Variants in EEPD1 observed in about 807,000 individuals in gnomAD.
EEPD1 encodes the protein endonuclease/exonuclease/phosphatase family domain-containing protein 1.
Under a neutral mutation model 46.3 loss-of-function variants are expected in EEPD1, and 17 were observed. The observed-to-expected ratio is 0.37, with a 90% CI of 0.25 to 0.55. The LOEUF is 0.55. Among genes scored for constraint, EEPD1 ranks in the 20% least tolerant of loss-of-function variants. The probability of loss-of-function intolerance (pLI) is 0.83; values close to 1 mark genes in which losing one functional copy is unlikely to be tolerated. For missense variants in EEPD1, 673 were observed against 745.6 expected (o/e 0.90, Z 1.13); for synonymous variants, 313 against 315.6 (o/e 0.99, Z 0.09).
At position 36,167,752 on chromosome 7, in the gene EEPD1, G is replaced by A. The variant is rs554085572; in HGVS notation, c.878+12550G>A. Reference sequence around the variant, plus strand: ...ATTATTAGAGACAGAGTCTCTCTCTGTGGCCCAGGCTGAAGTGCAGTGGCG... The same window carrying A: ...ATTATTAGAGACAGAGTCTCTCTCTATGGCCCAGGCTGAAGTGCAGTGGCG... On this transcript the variant is annotated intron_variant, in intron 2 of 7. Coordinates refer to ENST00000242108, the MANE Select transcript of EEPD1 (RefSeq NM_030636.3). 3.9e-5 allele frequency among the ~76,000 whole-genome samples: 6 copies of A among 152,164 alleles called. No individual in the cohort carries two copies. The East Asian group carries it at 1.2e-3, about 29-fold the overall frequency.
chr7:36,193,780 G>A lies in EEPD1; in HGVS notation c.878+38578G>A, dbSNP rs893313801. ...GTCCCGTGGTCAGCAGGTGGCCAGC[G>A]GCAGAGCGGCCACACCCATCCTGGT... On this transcript the variant is annotated intron_variant, in intron 2 of 7. Coordinates refer to ENST00000242108, the MANE Select transcript of EEPD1 (RefSeq NM_030636.3). This position sits in a 1 kb window ranked among gnomAD's most constrained non-coding sequence, Gnocchi z 4.9. Among the ~76,000 whole-genome samples the A allele has an allele frequency of 3.3e-5, 5 of 152,194 alleles. No individual in the cohort carries two copies. Among genetic ancestry groups the A allele is most frequent in the Admixed American group, 6.5e-5 (1 of 15,292 alleles).
chr7:36,273,958 A>G (rs1038795625), intron 3 of EEPD1, among the ~76,000 whole-genome samples: 2 of 152,160 alleles, frequency 1.3e-5, no homozygotes, highest in Non-Finnish European at 2.9e-5. Context: ...TTCTCCCTCC[A>G]TGAGCTCCTG....
Position 36,154,319 on chromosome 7 carries a change from C to CGGCCCCCA in EEPD1, c.-4_-3insCCCCCAGG. ...GGCCTTCCCGGGAGCCTGATCCTGG[C>CGGCCCCCA]GGACCATGGGGAGCACCCTGGGCTG... On this transcript the variant is annotated 5_prime_UTR_variant, in exon 2 of 8. Coordinates refer to ENST00000242108, the MANE Select transcript of EEPD1 (RefSeq NM_030636.3). This position sits in a 1 kb window ranked among gnomAD's most constrained non-coding sequence, Gnocchi z 4.2. 1 of 1,603,728 alleles carries CGGCCCCCA rather than the reference C, an allele frequency of 6.2e-7. No individual in the cohort carries two copies. The highest frequency in any genetic ancestry group is 8.5e-7 in the Non-Finnish European group (1 of 1,177,770).
At chr7:36,284,561 G>T in intron 4 of EEPD1, 125 bp from the exon 5 acceptor site, 2 of 1,225,416 alleles carry the variant, frequency 1.6e-6, no homozygotes, top group Non-Finnish European at 1.1e-6. Flanking sequence ...GTGTGCTTTT[G>T]GTTTAGAAAC....
intron 3 of EEPD1, 109 bp from the exon 4 acceptor site, chr7:36,281,006 A>G (rs1787251557): frequency 1.2e-6 from 1 of 843,350 alleles, no homozygotes. Flanking sequence ...CAGTGTCTGA[A>G]TAAGGCTGAT....
intron 2 of EEPD1, among the ~76,000 whole-genome samples, chr7:36,155,998 A>G (rs976714308): frequency 1.3e-5 from 2 of 152,240 alleles, no homozygotes; most frequent in South Asian, 4.1e-4. Flanking sequence ...CTGTTAGTAA[A>G]ATAGCAAACT....
At chr7:36,286,616 G>A (rs1302536091) in intron 5 of EEPD1, among the ~76,000 whole-genome samples, 1 of 152,234 alleles carries the variant, frequency 6.6e-6, no homozygotes, top group African/African-American at 2.4e-5. Flanking sequence ...GGCTGGCCAG[G>A]TTCTGTAAGC....
chr7:36,239,387 C>T (rs1486712996), intron 3 of EEPD1, among the ~76,000 whole-genome samples: 1 of 152,016 alleles, frequency 6.6e-6, no homozygotes, highest in East Asian at 1.9e-4. Flanking sequence ...GGCCACCTCA[C>T]TGCATTTCTG....
rs1360646334 is a variant in EEPD1 at position 36,193,294 on chromosome 7, C to T, written c.878+38092C>T. Among the ~76,000 whole-genome samples the T allele has an allele frequency of 6.8e-6, 1 of 148,044 alleles. No homozygotes were observed. Among genetic ancestry groups the T allele is most frequent in the Non-Finnish European group, 1.5e-5 (1 of 65,976 alleles). Reference sequence around the variant, plus strand: ...TTAGATGGAGAAGAGGCCCAGAGAGCAGAGTTCCCGAGAGGGAGAGTGTGC... The same window carrying T: ...TTAGATGGAGAAGAGGCCCAGAGAGTAGAGTTCCCGAGAGGGAGAGTGTGC... On this transcript the variant is annotated intron_variant, in intron 2 of 7. Coordinates refer to ENST00000242108, the MANE Select transcript of EEPD1 (RefSeq NM_030636.3). This position sits in a 1 kb window ranked among gnomAD's most constrained non-coding sequence, Gnocchi z 4.9.
At chr7:36,195,997 A>G (rs577435789) in intron 2 of EEPD1, among the ~76,000 whole-genome samples, 136 of 152,314 alleles carry the variant, frequency 8.9e-4, no homozygotes, top group African/African-American at 3.2e-3. Context: ...CCTAGACTAT[A>G]TATGGTATGG....
At chr7:36,227,462 A>G (rs1311123988) in intron 2 of EEPD1, among the ~76,000 whole-genome samples, 2 of 152,148 alleles carry the variant, frequency 1.3e-5, no homozygotes, top group Non-Finnish European at 2.9e-5. Flanking sequence ...CCTTCTCCAG[A>G]GCTCATCCCT....
At chr7:36,189,221 T>C (rs898847418) in intron 2 of EEPD1, among the ~76,000 whole-genome samples, 3 of 152,250 alleles carry the variant, frequency 2.0e-5, no homozygotes, top group Admixed American at 1.3e-4. Flanking sequence ...TGACACAGGG[T>C]GGTCCCCAAA....
At chr7:36,214,569 C>T (rs1037452311) in intron 2 of EEPD1, among the ~76,000 whole-genome samples, 6 of 152,204 alleles carry the variant, frequency 3.9e-5, no homozygotes, top group African/African-American at 1.4e-4. Context: ...TCTGCCTCTC[C>T]TGGGAACTTG....
intron 4 of EEPD1, among the ~76,000 whole-genome samples, chr7:36,282,435 C>T (rs935674747): frequency 1.2e-4 from 19 of 152,198 alleles, no homozygotes; most frequent in South Asian, 8.3e-4. Flanking sequence ...GTGGGGATCC[C>T]GGCTGGAGCC....
intron 2 of EEPD1, among the ~76,000 whole-genome samples, chr7:36,214,418 T>A (rs1785992280): frequency 6.6e-6 from 1 of 152,142 alleles, no homozygotes; most frequent in African/African-American, 2.4e-5. Context: ...CCACTGGCTA[T>A]CCCCCAGAGC....
intron 2 of EEPD1, chr7:36,228,604 A>C (rs935499545): frequency 6.6e-6 from 1 of 152,180 alleles, no homozygotes; most frequent in Non-Finnish European, 1.5e-5. Context: ...TTCTGCAGAC[A>C]CAGCTGGGGC....
In EEPD1 at chr7:36,287,236, C is replaced by CAAAAA. The variant is rs377318198; in HGVS notation, c.1177-380_1177-376dup. The stretch of plus-strand genomic sequence containing the variant: ...TGGGTGACAGAGTGAGACTCCTTCT[C>CAAAAA]AAAAAAAAAAAAAAAAAAAAAAAAA... On this transcript the variant is annotated intron_variant, in intron 5 of 7. Transcript: ENST00000242108. Among the ~76,000 whole-genome samples the CAAAAA allele has an allele frequency of 4.0e-4, 17 of 42,210 alleles. 6 individuals carry two copies. The highest frequency in any genetic ancestry group is 9.2e-4 in the East Asian group (1 of 1,092). 27.7% of individuals were successfully genotyped at this position (42,210 alleles called of 152,430 possible).
At chr7:36,167,840 C>T (rs10260500) in intron 2 of EEPD1, among the ~76,000 whole-genome samples, 21,890 of 152,028 alleles carry the variant, frequency 0.14, 2,069 homozygotes, top group Non-Finnish European at 0.22. Context: ...CTCAGCCTGC[C>T]GAGTAGCTGG....
chr7:36,220,122 CTTG>C (rs915556612), intron 2 of EEPD1, among the ~76,000 whole-genome samples: 7 of 152,142 alleles, frequency 4.6e-5, no homozygotes, highest in South Asian at 2.1e-4. Flanking sequence ...CTAGTTTGAT[CTTG>C]TTGTTTCTCA....
Sources: gnomAD v4.1 joint callset for allele counts (sites outside exome capture counted in the v4.1 genomes callset) on GRCh38, gnomAD v4.1.1 for gene constraint, Gnocchi (gnomAD v3.1) non-coding constraint, MANE v1.5 for transcripts, NCBI Gene and HGNC (gene_info 2026-07-23, HGNC 2026-07-21) for gene names.